TRRAP: variants seen among roughly 807,000 people sequenced by gnomAD.
TRRAP encodes transformation/transcription domain associated protein.
TRRAP carries 41 observed loss-of-function variants against 438.8 expected under a neutral mutation model. The observed-to-expected ratio is 0.09, with a 90% CI of 0.07 to 0.12. TRRAP has a LOEUF of 0.12. Among genes scored for constraint, TRRAP ranks in the 10% least tolerant of loss-of-function variants. The pLI, the probability that TRRAP is intolerant of heterozygous loss-of-function variation, is 1.00. For synonymous variants in TRRAP, 1,994 were observed against 1,962.9 expected, an observed-to-expected ratio of 1.02 and a Z score of -0.42; for missense variants, 3,122 against 5,055.1, an observed-to-expected ratio of 0.62 and a Z score of 11.60.
chr7:98,888,676 A>G (rs1237655950), intron 3 of TRRAP, among the ~76,000 whole-genome samples: 2 of 152,106 alleles, frequency 1.3e-5, no homozygotes, highest in African/African-American at 4.8e-5. Flanking sequence ...CTTCTTTTCT[A>G]CCTTTTCATG....
intron 52 of TRRAP, 72 bp downstream of exon 52, chr7:98,970,363 A>G (rs1792356980): frequency 2.6e-6 from 4 of 1,547,966 alleles, no homozygotes; most frequent in Admixed American, 1.8e-5. Flanking sequence ...GCAGAATCCC[A>G]GAGAGGAGGT....
chr7:99,008,234 C>T, intron 69 of TRRAP, 143 bp from the exon 70 acceptor site: 1 of 787,696 alleles, frequency 1.3e-6, no homozygotes, highest in Non-Finnish European at 2.1e-6. Context: ...ATGGATGGTG[C>T]ATGACCACCG....
chr7:98,917,573 A>G lies in TRRAP; in HGVS notation c.2516A>G (p.Gln839Arg). 1 of 1,614,210 alleles carries G rather than the reference A, an allele frequency of 6.2e-7. No individual in the cohort carries two copies. The highest frequency in any genetic ancestry group is 8.5e-7 in the Non-Finnish European group (1 of 1,180,050). Residue 839 changes from glutamine to arginine, a missense_variant, in exon 20 of 73, where the codon CAG (glutamine) becomes CGG (arginine). Transcript: ENST00000456197. ...TTGGTGTCTGCACTCAATGGGTCTC[A>G]GACATTGGTCAGCCAAGGCCTCAGG... ...DPLVSALNGS[Q>R]TLVSQGLRTL... is the part of the protein sequence containing the mutation.
In TRRAP at chr7:98,954,958, T is replaced by C. The variant is rs1320427524; in HGVS notation, c.5731-140T>C. On this transcript the variant is annotated intron_variant, in intron 40 of 72. Coordinates refer to ENST00000456197, the MANE Select transcript of TRRAP (RefSeq NM_001375524.1). Reference sequence around the variant, plus strand: ...CAAAACTTAACAGAAAGCAACTAAGTTGTTTCCTAATAAGAAAGTCCTAAG... The same window carrying C: ...CAAAACTTAACAGAAAGCAACTAAGCTGTTTCCTAATAAGAAAGTCCTAAG... 7.6e-6 allele frequency: 6 copies of C among 791,408 alleles called. No homozygotes were observed. In the East Asian group the frequency reaches 1.6e-4, roughly 21 times the overall value. 49.0% of individuals were successfully genotyped at this position (791,408 alleles called of 1,614,324 possible). A position where few individuals can be genotyped will look rare whatever the true frequency, so the allele number is the denominator to read the frequency against.
intron 28 of TRRAP, among the ~76,000 whole-genome samples, chr7:98,936,552 G>A (rs1347331665): frequency 6.6e-6 from 1 of 152,176 alleles, no homozygotes; most frequent in African/African-American, 2.4e-5. Flanking sequence ...AAGTCTTAAA[G>A]CCTTTTACCC....
At position 99,008,704 on chromosome 7, in the gene TRRAP, C is replaced by T. The variant is rs1313566020; in HGVS notation, c.10938+143C>T. 5 of 908,950 alleles carry T rather than the reference C, an allele frequency of 5.5e-6. No homozygotes were observed. The Admixed American group carries it at 1.1e-4, about 20-fold the overall frequency. The allele number at this position is 908,950 out of a possible 1,614,324, so 56.3% of individuals were successfully genotyped here. ...TCATTTAAAGTAACTTTATTAGACT[C>T]ATGAGATGGTGGAAATGAGACAGCT... On this transcript the variant is annotated intron_variant, in intron 70 of 72. Coordinates refer to ENST00000456197, the MANE Select transcript of TRRAP (RefSeq NM_001375524.1).
chr7:98,973,777 G>A (rs970620453), intron 53 of TRRAP, among the ~76,000 whole-genome samples: 1 of 152,142 alleles, frequency 6.6e-6, no homozygotes, highest in Non-Finnish European at 1.5e-5. Context: ...GGAGACCCTC[G>A]AACTCAGTGC....
intron 13 of TRRAP, among the ~76,000 whole-genome samples, chr7:98,907,533 C>T (rs1796836548): frequency 6.6e-6 from 1 of 152,142 alleles, no homozygotes; most frequent in African/African-American, 2.4e-5. Context: ...AATATTAAGA[C>T]ATTTTTTGTA....
intron 62 of TRRAP, among the ~76,000 whole-genome samples, chr7:98,986,013 T>C (rs1285272930): frequency 6.6e-6 from 1 of 152,250 alleles, no homozygotes; most frequent in African/African-American, 2.4e-5. Flanking sequence ...TTGCTTATTC[T>C]GAACATTCAT....
chr7:98,965,633 G>A, intron 48 of TRRAP, 63 bp from the exon 49 acceptor site: 1 of 1,606,202 alleles, frequency 6.2e-7, no homozygotes, highest in East Asian at 2.2e-5. Flanking sequence ...GCAAGGCTTA[G>A]TGGCTGCCTG....
chr7:99,007,068 G>A (rs1794200288), intron 69 of TRRAP, among the ~76,000 whole-genome samples: 1 of 152,216 alleles, frequency 6.6e-6, no homozygotes, highest in African/African-American at 2.4e-5. Context: ...ATGGTGATTG[G>A]GAACAGAGTA....
At chr7:98,941,336 C>T (rs1424066252) in intron 30 of TRRAP, among the ~76,000 whole-genome samples, 1 of 152,032 alleles carries the variant, frequency 6.6e-6, no homozygotes, top group Non-Finnish European at 1.5e-5. Context: ...CCACCGTGCC[C>T]GGCTAGTTTT....
intron 4 of TRRAP, among the ~76,000 whole-genome samples, chr7:98,892,153 TAC>T (rs1796009060): frequency 6.6e-6 from 1 of 152,242 alleles, no homozygotes. Flanking sequence ...CCGTTGGACT[TAC>T]TGATAAGCCG....
chr7:98,930,324 C>T, intron 24 of TRRAP, 118 bp downstream of exon 24: 2 of 1,298,758 alleles, frequency 1.5e-6, no homozygotes, highest in Non-Finnish European at 2.1e-6. Context: ...CGCCTGTAAT[C>T]CCAGCACTTT....
chr7:98,903,902 TAGCCGGGCACGGTTCTCGTGCCTC>T (rs1402525649), intron 12 of TRRAP, among the ~76,000 whole-genome samples: 37 of 152,020 alleles, frequency 2.4e-4, no homozygotes, highest in Non-Finnish European at 5.1e-4. Flanking sequence ...CATCAGATCT[TAGCCGGGCACGGTTCTCGTGCCTC>T]AGCCTCCCAA....
chr7:98,994,512 CA>C lies in TRRAP; in HGVS notation c.10048-73del. 1 of 1,593,938 alleles carries C rather than the reference CA, an allele frequency of 6.3e-7. No individual in the cohort carries two copies. The highest frequency in any genetic ancestry group is 8.5e-7 in the Non-Finnish European group (1 of 1,169,786). ...GACCCTGGGCTGGGAGGGCCGCACT[CA>C]ATAGGCGCTTTTGGCTGCTGGTTCT... On this transcript the variant is annotated intron_variant, in intron 66 of 72. Transcript: ENST00000456197. This position sits in a 1 kb window ranked among gnomAD's most constrained non-coding sequence, Gnocchi z 4.8.
At chr7:99,008,059 C>T (rs1480630867) in intron 69 of TRRAP, among the ~76,000 whole-genome samples, 2 of 150,978 alleles carry the variant, frequency 1.3e-5, no homozygotes. Context: ...CTCCTGACCT[C>T]GTGATCCGCC....
chr7:98,911,927 G>T (rs4593455), intron 17 of TRRAP, 95 bp from the exon 18 acceptor site: 3 of 1,136,448 alleles, frequency 2.6e-6, no homozygotes, highest in Non-Finnish European at 3.8e-6. Flanking sequence ...GTGTGATACA[G>T]GCTTGGTTTT....
chr7:98,994,420 G>A lies in TRRAP; in HGVS notation c.10048-167G>A, dbSNP rs185046134. ...CTGCTCCCATGTGGCATGCACAGGCGTCCCGTTTCTTGCACACGCCGATTT... is the reference window on the plus strand; with the variant it reads ...CTGCTCCCATGTGGCATGCACAGGCATCCCGTTTCTTGCACACGCCGATTT... On this transcript the variant is annotated intron_variant, in intron 66 of 72. Coordinates refer to ENST00000456197, the MANE Select transcript of TRRAP (RefSeq NM_001375524.1). This position sits in a 1 kb window ranked among gnomAD's most constrained non-coding sequence, Gnocchi z 4.8. Among the ~76,000 whole-genome samples, 24 of 152,286 alleles carry A rather than the reference G, an allele frequency of 1.6e-4. No homozygotes were observed. In the East Asian group the frequency reaches 3.9e-3, roughly 24 times the overall value.
Sources: gnomAD v4.1 joint callset for allele counts (sites outside exome capture counted in the v4.1 genomes callset) on GRCh38, gnomAD v4.1.1 for gene constraint, Gnocchi (gnomAD v3.1) non-coding constraint, MANE v1.5 for transcripts, NCBI Gene and HGNC (gene_info 2026-07-23, HGNC 2026-07-21) for gene names.